Variants in LOXHD1 observed in about 807,000 individuals in gnomAD.
LOXHD1 encodes lipoxygenase homology domain-containing protein 1.
A neutral mutation model predicts 248.2 loss-of-function variants in LOXHD1; 205 were observed. The observed-to-expected ratio is 0.83, with a 90% confidence interval of 0.74 to 0.93. The LOEUF (loss-of-function observed/expected upper bound fraction) is 0.93. Among genes scored for constraint, LOXHD1 ranks in the 40% least tolerant of loss-of-function variants. The pLI is 0.00. For synonymous variants in LOXHD1, 1,113 were observed against 1,162.8 expected, an observed-to-expected ratio of 0.96 and a Z score of 0.87; for missense variants, 2,930 against 2,971.6, an observed-to-expected ratio of 0.99 and a Z score of 0.33.
rs1422989657 is a variant in LOXHD1 at position 46,524,537 on chromosome 18, C to T, written c.4805G>A (p.Ser1602Asn). The T allele has an allele frequency of 1.9e-6, 3 of 1,551,742 alleles. No homozygotes were observed. Among genetic ancestry groups the T allele is most frequent in the Non-Finnish European group, 2.6e-6 (3 of 1,147,002 alleles). The change falls in exon 31 of 41, where the codon AGC (serine) becomes AAC (asparagine). Residue 1602 changes from serine to asparagine, a missense_variant. By Grantham distance (46) the Ser-to-Asn change is conservative (BLOSUM62 1). Transcript: ENST00000642948. ...SPADFWEIAL[S>N]SKMADVDIST... The stretch of plus-strand genomic sequence containing the variant: ...GATGTCGACATCGGCCATCTTGGAG[C>T]TCAGGGCGATCTCCCAGAAGTCAGC...
chr18:46,522,951 T>C (rs2035651201), intron 31 of LOXHD1, among the ~76,000 whole-genome samples: 1 of 152,016 alleles, frequency 6.6e-6, no homozygotes, highest in African/African-American at 2.4e-5. Context: ...ATCTTTTTTT[T>C]TTTTCTTTTT....
chr18:46,570,003 C>T (rs1023072520), intron 15 of LOXHD1, among the ~76,000 whole-genome samples: 35 of 152,332 alleles, frequency 2.3e-4, no homozygotes, highest in African/African-American at 8.2e-4. Flanking sequence ...GACAAGGAAA[C>T]TGAGACAAAG....
chr18:46,541,371 T>G (rs2036551090), intron 25 of LOXHD1, among the ~76,000 whole-genome samples: 1 of 152,202 alleles, frequency 6.6e-6, no homozygotes, highest in African/African-American at 2.4e-5. Context: ...TACTGCTGAC[T>G]TATTTGGCAT....
intron 1 of LOXHD1, among the ~76,000 whole-genome samples, chr18:46,653,066 G>A (rs1342877798): frequency 1.3e-5 from 2 of 152,134 alleles, no homozygotes; most frequent in African/African-American, 4.8e-5. Flanking sequence ...GACCAACGTG[G>A]TGAAACCCCG....
At chr18:46,564,006 T>A (rs1050938496) in intron 17 of LOXHD1, among the ~76,000 whole-genome samples, 8 of 152,086 alleles carry the variant, frequency 5.3e-5, no homozygotes, top group Non-Finnish European at 1.0e-4. Context: ...AGGCAGGTGA[T>A]TCAGCAGTGA....
chr18:46,511,690 C>G (rs1361654005), intron 34 of LOXHD1, among the ~76,000 whole-genome samples: 8 of 152,152 alleles, frequency 5.3e-5, no homozygotes, highest in South Asian at 2.1e-4. Flanking sequence ...GTTAGGGACC[C>G]TGGGAGAGGG....
intron 17 of LOXHD1, among the ~76,000 whole-genome samples, chr18:46,564,287 ACT>A (rs2037593250): frequency 6.6e-6 from 1 of 152,140 alleles, no homozygotes. Context: ...TTGTAAATCC[ACT>A]GAGGCAGAAG....
rs190069610 is a variant in LOXHD1 at position 46,638,921 on chromosome 18, A to G, written c.511+695T>C. 3.8e-4 allele frequency among the ~76,000 whole-genome samples: 58 copies of G among 152,252 alleles called. No homozygotes were observed. In the East Asian group the frequency reaches 0.011, roughly 28 times the overall value. On this transcript the variant is annotated intron_variant, in intron 4 of 40. Transcript: ENST00000642948. ...TGGCTCCAAAGTCCCTTCCCCTCTCATGGTCCATGACTCTATGAGAGCAGG... is the reference window on the plus strand; with the variant it reads ...TGGCTCCAAAGTCCCTTCCCCTCTCGTGGTCCATGACTCTATGAGAGCAGG...
At chr18:46,648,772 C>G (rs2039067530) in intron 2 of LOXHD1, among the ~76,000 whole-genome samples, 1 of 152,180 alleles carries the variant, frequency 6.6e-6, no homozygotes, top group African/African-American at 2.4e-5. Flanking sequence ...GTATTTTATG[C>G]TCACAGCTCC....
At chr18:46,580,208 C>T (rs751145801) in intron 12 of LOXHD1, among the ~76,000 whole-genome samples, 102 of 152,306 alleles carry the variant, frequency 6.7e-4, no homozygotes, top group Non-Finnish European at 9.7e-4. Context: ...ATGGAGCTGG[C>T]CAGTGCTTGG....
At chr18:46,519,205 G>A in intron 33 of LOXHD1, 1 of 565,828 alleles carries the variant, frequency 1.8e-6, no homozygotes, top group Non-Finnish European at 2.2e-6. Context: ...GAAGGTTCAG[G>A]AGAGGCTCAG....
chr18:46,600,026 T>C (rs1045825540), intron 8 of LOXHD1, among the ~76,000 whole-genome samples: 4 of 152,186 alleles, frequency 2.6e-5, no homozygotes, highest in African/African-American at 7.2e-5. Flanking sequence ...AAATAATAGT[T>C]ATCCTATAAA....
intron 14 of LOXHD1, among the ~76,000 whole-genome samples, chr18:46,576,799 G>A (rs1207307631): frequency 1.3e-5 from 2 of 152,178 alleles, no homozygotes; most frequent in Non-Finnish European, 2.9e-5. Context: ...GGGGTGCTAA[G>A]TAATTCAGCT....
intron 4 of LOXHD1, among the ~76,000 whole-genome samples, chr18:46,627,271 G>C (rs576263929): frequency 6.6e-6 from 1 of 152,204 alleles, no homozygotes; most frequent in African/African-American, 2.4e-5. Context: ...GCCAGTGAGA[G>C]AGAATAGACA....
At chr18:46,493,038 A>G (rs144173475) in intron 37 of LOXHD1, among the ~76,000 whole-genome samples, 84 of 152,310 alleles carry the variant, frequency 5.5e-4, no homozygotes, top group South Asian at 2.1e-3. Context: ...CTCATCAAGG[A>G]CTATTAGGAT....
chr18:46,592,458 T>C, intron 11 of LOXHD1, 40 bp downstream of exon 11: 1 of 1,494,494 alleles, frequency 6.7e-7, no homozygotes. Flanking sequence ...CCTTGTTCCT[T>C]TCCCAACAAC....
rs1294416324 is a variant in LOXHD1 at position 46,560,410 on chromosome 18, C to G, written c.2734G>C (p.Glu912Gln). The change falls in exon 19 of 41, where the codon GAG (glutamate) becomes CAG (glutamine). Residue 912 changes from glutamate (E) to glutamine (Q), a missense_variant. Glu to Gln is a conservative substitution (Grantham distance 29, BLOSUM62 2). Coordinates refer to ENST00000642948, the MANE Select transcript of LOXHD1 (RefSeq NM_001384474.1). Reference protein sequence around the residue: ...VVREVDLTPEEEARKKKEKDK... With the variant: ...VVREVDLTPEQEARKKKEKDK... The stretch of plus-strand genomic sequence containing the variant: ...TTCTCCTTCTTCTTCCGGGCCTCCT[C>G]CTCCGGCGTGAGGTCCACCTCCCGC... The G allele has an allele frequency of 2.6e-6, 4 of 1,549,430 alleles. No homozygotes were observed. In the Admixed American group the frequency reaches 5.9e-5, roughly 23 times the overall value.
chr18:46,533,210 C>A lies in LOXHD1; in HGVS notation c.4327G>T (p.Asp1443Tyr), dbSNP rs1157080781. ...YDIFTEKYMK[D>Y]GSLRQVYKEV... ...TTGTAGACTTGCCGTAAGGACCCATCTTTCATGTATTTCTCAGTGAAGATG... is the reference window on the plus strand; with the variant it reads ...TTGTAGACTTGCCGTAAGGACCCATATTTCATGTATTTCTCAGTGAAGATG... The change falls in exon 28 of 41, where the codon GAT (aspartate) becomes TAT (tyrosine). Residue 1443 changes from aspartate to tyrosine, a missense_variant. Transcript: ENST00000642948. The A allele has an allele frequency of 2.6e-6, 4 of 1,551,740 alleles. No individual in the cohort carries two copies. In the South Asian group the frequency reaches 4.8e-5, roughly 18 times the overall value.
chr18:46,605,182 C>T (rs1447319631), intron 6 of LOXHD1, among the ~76,000 whole-genome samples: 8 of 152,154 alleles, frequency 5.3e-5, no homozygotes, highest in Non-Finnish European at 7.3e-5. Flanking sequence ...GTGCACAACC[C>T]TCTGCTTTAC....
Sources: gnomAD v4.1 joint callset for allele counts (sites outside exome capture counted in the v4.1 genomes callset) on GRCh38, gnomAD v4.1.1 for gene constraint, MANE v1.5 for transcripts, NCBI Gene and HGNC (gene_info 2026-07-23, HGNC 2026-07-21) for gene names.